The following RASGRF1 variants were observed in gnomAD, a reference collection of about 807,000 sequenced individuals.
RASGRF1 encodes Ras protein specific guanine nucleotide releasing factor 1, also known as ras-specific guanine nucleotide-releasing factor 1.
In RASGRF1, 40 loss-of-function variants were observed where a neutral mutation model predicts 138.7. The observed-to-expected ratio is 0.29, with a 90% CI of 0.22 to 0.38. RASGRF1 has a LOEUF of 0.38. RASGRF1 is among the 10% of genes least tolerant of loss of function. The pLI, the probability that RASGRF1 is intolerant of heterozygous loss-of-function variation, is 1.00. For synonymous variants in RASGRF1, 614 were observed against 663.2 expected (o/e 0.93, Z 1.14); for missense variants, 1,108 against 1,650.4 (o/e 0.67, Z 5.69).
intron 1 of RASGRF1, among the ~76,000 whole-genome samples, chr15:79,079,957 C>T (rs986415366): frequency 2.0e-5 from 3 of 152,222 alleles, no homozygotes; most frequent in Non-Finnish European, 4.4e-5. Flanking sequence ...ACTGAGCATG[C>T]TCAGCCTCCC....
intron 3 of RASGRF1, among the ~76,000 whole-genome samples, chr15:79,049,991 A>C (rs78991370): frequency 0.022 from 3,324 of 152,300 alleles, 121 homozygotes; most frequent in African/African-American, 0.072. Context: ...CTGTGATAAA[A>C]CACATGTAAC....
intron 26 of RASGRF1, among the ~76,000 whole-genome samples, chr15:78,971,038 G>A (rs1233248272): frequency 6.7e-6 from 1 of 150,152 alleles, no homozygotes; most frequent in African/African-American, 2.4e-5. Context: ...TGGTGGTGGA[G>A]GGGGTCACTG....
Position 79,020,115 on chromosome 15 carries a change from G to A in RASGRF1, c.1543-11C>T, listed in dbSNP as rs778059128. 4.3e-6 allele frequency: 7 copies of A among 1,613,314 alleles called. No individual in the cohort carries two copies. Among genetic ancestry groups the A allele is most frequent in the Non-Finnish European group, 5.1e-6 (6 of 1,179,922 alleles). On this transcript the variant is annotated splice_polypyrimidine_tract_variant and intron_variant, in intron 10 of 26. Transcript: ENST00000558480. ...GGATATGACTCCATTCTGAAAAAGA[G>A]CAGCAGGGGCTGCTTTGGATTGAGG... is the stretch of plus-strand genomic sequence containing the variant.
intron 22 of RASGRF1, chr15:78,985,432 A>C: frequency 6.5e-6 from 3 of 459,172 alleles, no homozygotes; most frequent in African/African-American, 2.0e-5. Flanking sequence ...TACAACAAAA[A>C]TACAACCTTC....
rs149844965 is a variant in RASGRF1 at position 79,084,674 on chromosome 15, G to A, written c.276+5549C>T. ...GTCCTTACCATACTAGAGGGTGGGGGCATTAAAGCCCTTTTCTGCCCTTGG... is the reference window on the plus strand; with the variant it reads ...GTCCTTACCATACTAGAGGGTGGGGACATTAAAGCCCTTTTCTGCCCTTGG... On this transcript the variant is annotated intron_variant, in intron 1 of 26. Transcript: ENST00000558480. Among the ~76,000 whole-genome samples, 459 of 152,300 alleles carry A rather than the reference G, an allele frequency of 3.0e-3. 1 individual carries two copies. Among genetic ancestry groups the A allele is most frequent in the African/African-American group, 0.011 (438 of 41,574 alleles).
At chr15:79,055,515 A>G (rs1303313187) in intron 3 of RASGRF1, among the ~76,000 whole-genome samples, 1 of 151,908 alleles carries the variant, frequency 6.6e-6, no homozygotes, top group African/African-American at 2.4e-5. Context: ...TAATACACTC[A>G]ATTGGAAGCA....
chr15:79,072,267 CTTTTTTTTTTTTTTT>C (rs758415767), intron 1 of RASGRF1, among the ~76,000 whole-genome samples: 1 of 61,576 alleles, frequency 1.6e-5, no homozygotes, highest in Non-Finnish European at 3.0e-5. Context: ...GATAAACAAT[CTTTTTTTTTTTTTTT>C]TTTTTTTTTT....
intron 1 of RASGRF1, among the ~76,000 whole-genome samples, chr15:79,089,508 G>A (rs2058024679): frequency 6.6e-6 from 1 of 152,262 alleles, no homozygotes; most frequent in Non-Finnish European, 1.5e-5. Context: ...GGCGCAGGGG[G>A]CGGGGGAGGA....
At chr15:78,971,485 T>C (rs2055759383) in intron 26 of RASGRF1, among the ~76,000 whole-genome samples, 1 of 152,202 alleles carries the variant, frequency 6.6e-6, no homozygotes, top group South Asian at 2.1e-4. Context: ...CGGGCGGAAA[T>C]GTTGCCTTTG....
chr15:79,090,668 T>G lies in RASGRF1; in HGVS notation c.-170A>C. 1 of 926,594 alleles carries G rather than the reference T, an allele frequency of 1.1e-6. No homozygotes were observed. The highest frequency in any genetic ancestry group is 1.7e-5 in the South Asian group (1 of 57,770). 57.4% of individuals were successfully genotyped at this position (926,594 alleles called of 1,614,324 possible). On this transcript the variant is annotated 5_prime_UTR_variant, in exon 1 of 27. Transcript: ENST00000558480. ...CAGGATCTGGCGCCGAGCCGCGGCT[T>G]CTTGAATCCAGATATACCATTCCCC...
In RASGRF1 at chr15:79,002,064, C is replaced by T. The variant is rs186761333; in HGVS notation, c.2450-277G>A. ...TGGGGATCTTGTCAGAATGCAAATT[C>T]TGATTCAGGGGTCTCAGGCAGGGCC... is the stretch of plus-strand genomic sequence containing the variant. On this transcript the variant is annotated intron_variant, in intron 15 of 26. Transcript: ENST00000558480. Among the ~76,000 whole-genome samples the T allele has an allele frequency of 3.5e-3, 537 of 152,296 alleles. 2 individuals carry two copies. The highest frequency in any genetic ancestry group is 0.012 in the African/African-American group (495 of 41,552).
chr15:79,046,573 C>A lies in RASGRF1; in HGVS notation c.878+173G>T, dbSNP rs766129307. Among the ~76,000 whole-genome samples, 1 of 152,224 alleles carries A rather than the reference C, an allele frequency of 6.6e-6. No homozygotes were observed. Among genetic ancestry groups the A allele is most frequent in the Non-Finnish European group, 1.5e-5 (1 of 68,042 alleles). ...CCTACATTTGTGCCCCTGCCCCAGACCCCACAATTATTGGGGTTGGTGGTT... is the reference window on the plus strand; with the variant it reads ...CCTACATTTGTGCCCCTGCCCCAGAACCCACAATTATTGGGGTTGGTGGTT... On this transcript the variant is annotated intron_variant, in intron 5 of 26. Coordinates refer to ENST00000558480, the MANE Select transcript of RASGRF1 (RefSeq NM_001145648.3). The surrounding 1 kb of genome is among the most constrained non-coding windows in gnomAD (Gnocchi z 5.3).
chr15:78,981,340 T>G (rs2056025077), intron 23 of RASGRF1: 1 of 152,258 alleles, frequency 6.6e-6, no homozygotes, highest in Non-Finnish European at 1.5e-5. Context: ...GGGTCAAGCC[T>G]GGCTTTGTGC....
At chr15:79,045,718 C>T (rs2036037645) in intron 5 of RASGRF1, among the ~76,000 whole-genome samples, 1 of 152,246 alleles carries the variant, frequency 6.6e-6, no homozygotes, top group South Asian at 2.1e-4. Context: ...CAACCTCATA[C>T]ATCCCCACGC....
chr15:79,037,551 C>T (rs530364816), intron 5 of RASGRF1, among the ~76,000 whole-genome samples: 8 of 151,922 alleles, frequency 5.3e-5, no homozygotes, highest in East Asian at 1.9e-4. Flanking sequence ...CTCCTCCTTC[C>T]GGTTTCAAGC....
chr15:78,960,938 G>A lies in RASGRF1; in HGVS notation c.*1206C>T, dbSNP rs1329887008. 1.3e-5 allele frequency: 2 copies of A among 152,188 alleles called. No individual in the cohort carries two copies. Among genetic ancestry groups the A allele is most frequent in the African/African-American group, 4.8e-5 (2 of 41,452 alleles). The allele number at this position is 152,188 out of a possible 1,614,324, so 9.4% of individuals were successfully genotyped here. ...TGAGATAGAATAGATTTATTAGCAA[G>A]AGGTAATCAGGAAACATATATTTTT... On this transcript the variant is annotated 3_prime_UTR_variant, in exon 27 of 27. Transcript: ENST00000558480.
chr15:79,056,556 G>T (rs1419172489), intron 3 of RASGRF1, among the ~76,000 whole-genome samples: 1 of 152,192 alleles, frequency 6.6e-6, no homozygotes, highest in Non-Finnish European at 1.5e-5. Flanking sequence ...AGCTGTGTGA[G>T]CTTGGGCAAG....
chr15:78,978,995 C>A, intron 24 of RASGRF1: 3 of 1,292,154 alleles, frequency 2.3e-6, no homozygotes, highest in Non-Finnish European at 3.0e-6. Context: ...ATGGGGGGCC[C>A]CAGAGGCAGT....
At chr15:78,981,700 A>G (rs2056035949) in intron 23 of RASGRF1, 1 of 152,304 alleles carries the variant, frequency 6.6e-6, no homozygotes, top group South Asian at 2.1e-4. Context: ...ATTCAGTTCC[A>G]TGCCTTATCA....
Sources: gnomAD v4.1 joint callset for allele counts (sites outside exome capture counted in the v4.1 genomes callset) on GRCh38, gnomAD v4.1.1 for gene constraint, Gnocchi (gnomAD v3.1) non-coding constraint, MANE v1.5 for transcripts, NCBI Gene and HGNC (gene_info 2026-07-23, HGNC 2026-07-21) for gene names.